TRDN: variants seen among roughly 807,000 people sequenced by gnomAD.
TRDN encodes the protein triadin.
TRDN carries 161 observed loss-of-function variants against 149.7 expected under a neutral mutation model. The observed-to-expected ratio is 1.08, with a 90% CI of 0.95 to 1.23. The LOEUF (loss-of-function observed/expected upper bound fraction) is 1.23, where lower values mean the gene tolerates loss of function less well. TRDN is among the 50% of genes most tolerant of loss of function. TRDN has a pLI of 0.00. For synonymous variants in TRDN, 294 were observed against 250.5 expected, an observed-to-expected ratio of 1.17 and a Z score of -1.64; for missense variants, 896 against 823.5, an observed-to-expected ratio of 1.09 and a Z score of -1.08.
chr6:123,509,664 T>C (rs956272348), intron 7 of TRDN: 12 of 152,160 alleles, frequency 7.9e-5, no homozygotes, highest in African/African-American at 2.7e-4. Flanking sequence ...CCTTGTAAGA[T>C]TGTGAAACAG....
At chr6:123,269,914 A>G (rs769654420) in intron 30 of TRDN, 48 bp from the exon 31 acceptor site, 3 of 1,565,296 alleles carry the variant, frequency 1.9e-6, no homozygotes, top group Middle Eastern at 1.7e-4. Flanking sequence ...AGTACAAACC[A>G]TGGAAAAAAT....
At chr6:123,612,436 TAAG>T (rs1784866726) in intron 1 of TRDN, among the ~76,000 whole-genome samples, 1 of 150,492 alleles carries the variant, frequency 6.6e-6, no homozygotes, top group South Asian at 2.1e-4. Context: ...AAAAAGGAAA[TAAG>T]AACAGCAATC....
chr6:123,255,022 G>T, intron 37 of TRDN, 59 bp downstream of exon 37: 2 of 943,854 alleles, frequency 2.1e-6, no homozygotes, highest in Non-Finnish European at 3.2e-6. Context: ...TTAATATTAA[G>T]CAACAACATA....
In TRDN at chr6:123,535,475, T is replaced by A. The variant is rs538150114; in HGVS notation, c.425-4910A>T. Among the ~76,000 whole-genome samples, 5 of 152,250 alleles carry A rather than the reference T, an allele frequency of 3.3e-5. No homozygotes were observed. The East Asian group carries it at 9.7e-4, about 29-fold the overall frequency. On this transcript the variant is annotated intron_variant, in intron 4 of 40. Coordinates refer to ENST00000334268, the MANE Select transcript of TRDN (RefSeq NM_006073.4). ...GGAAAAAGTAGTATCTCCTCTTAGA[T>A]CCTTATCGCTATTCATCTCTCACTC...
At chr6:123,280,124 A>C (rs1366376013) in intron 24 of TRDN, among the ~76,000 whole-genome samples, 1 of 152,106 alleles carries the variant, frequency 6.6e-6, no homozygotes, top group Non-Finnish European at 1.5e-5. Context: ...CACGGAGCTT[A>C]TAAGATGGAG....
At chr6:123,579,856 G>A (rs918756914) in intron 1 of TRDN, among the ~76,000 whole-genome samples, 1 of 152,150 alleles carries the variant, frequency 6.6e-6, no homozygotes, top group African/African-American at 2.4e-5. Flanking sequence ...TTTATAAGGG[G>A]CTCTGCCCCC....
intron 38 of TRDN, among the ~76,000 whole-genome samples, chr6:123,232,749 G>C (rs1189895358): frequency 1.3e-5 from 2 of 152,024 alleles, no homozygotes; most frequent in Non-Finnish European, 2.9e-5. Context: ...GTAATTTGGG[G>C]AGAAGGCAAA....
chr6:123,440,187 A>G (rs1214675792), intron 10 of TRDN, among the ~76,000 whole-genome samples: 7 of 152,312 alleles, frequency 4.6e-5, no homozygotes, highest in African/African-American at 1.4e-4. Flanking sequence ...TTAGACATAT[A>G]ATTTATAAAG....
intron 12 of TRDN, among the ~76,000 whole-genome samples, chr6:123,415,542 TC>T (rs1773614427): frequency 6.6e-6 from 1 of 152,190 alleles, no homozygotes; most frequent in Non-Finnish European, 1.5e-5. Context: ...AAAACATAGT[TC>T]TTTCTATCCC....
intron 19 of TRDN, among the ~76,000 whole-genome samples, chr6:123,374,517 T>C (rs550825455): frequency 1.4e-4 from 21 of 152,320 alleles, no homozygotes; most frequent in African/African-American, 4.8e-4. Context: ...TTTAGATTCA[T>C]GTTAAACCTC....
chr6:123,407,861 A>C (rs1773261330), intron 12 of TRDN, among the ~76,000 whole-genome samples: 1 of 152,202 alleles, frequency 6.6e-6, no homozygotes, highest in Non-Finnish European at 1.5e-5. Context: ...ATAGCAAAAC[A>C]TGAAACACTT....
intron 21 of TRDN, among the ~76,000 whole-genome samples, chr6:123,348,714 TAGC>T (rs1299556675): frequency 6.6e-6 from 1 of 152,106 alleles, no homozygotes; most frequent in Non-Finnish European, 1.5e-5. Flanking sequence ...TTCAGCATAA[TAGC>T]AGGAGTGAAG....
chr6:123,557,157 T>G (rs1056250797), intron 2 of TRDN, among the ~76,000 whole-genome samples: 11 of 148,370 alleles, frequency 7.4e-5, no homozygotes, highest in Admixed American at 6.9e-4. Context: ...CTTCACTGAC[T>G]CTCTTTTCAG....
intron 1 of TRDN, 55 bp from the exon 2 acceptor site, chr6:123,571,187 A>G: frequency 6.4e-7 from 1 of 1,573,304 alleles, no homozygotes; most frequent in Non-Finnish European, 8.7e-7. Flanking sequence ...GTAAATATTG[A>G]TGATGAGAAA....
chr6:123,374,634 G>A (rs1781437856), intron 19 of TRDN, among the ~76,000 whole-genome samples: 1 of 152,024 alleles, frequency 6.6e-6, no homozygotes. Flanking sequence ...TTTATCTGAT[G>A]TATCTACTGA....
At chr6:123,473,586 A>G (rs1052927655) in intron 9 of TRDN, among the ~76,000 whole-genome samples, 4 of 151,892 alleles carry the variant, frequency 2.6e-5, no homozygotes, top group Non-Finnish European at 5.9e-5. Flanking sequence ...TTCAGGAAAT[A>G]CAGAGAAGGC....
chr6:123,467,103 C>T lies in TRDN; in HGVS notation c.854-2120G>A, dbSNP rs56905079. Among the ~76,000 whole-genome samples the T allele has an allele frequency of 4.8e-4, 73 of 151,972 alleles. 2 individuals are homozygous for T. The East Asian group carries it at 0.014, about 29-fold the overall frequency. The stretch of plus-strand genomic sequence containing the variant: ...ACCAGCACCAAAGAATTATTAAACC[C>T]CAACCCTGCCTTCAAGAAGTTCCCA... On this transcript the variant is annotated intron_variant, in intron 9 of 40. Transcript: ENST00000334268.
chr6:123,438,647 T>C (rs1248927504), intron 11 of TRDN, among the ~76,000 whole-genome samples: 2 of 152,242 alleles, frequency 1.3e-5, no homozygotes, highest in South Asian at 4.1e-4. Flanking sequence ...AACCATCATA[T>C]TCACATATAT....
intron 9 of TRDN, among the ~76,000 whole-genome samples, chr6:123,490,118 G>T (rs898239972): frequency 6.6e-6 from 1 of 152,116 alleles, no homozygotes; most frequent in African/African-American, 2.4e-5. Context: ...CAGACTATGA[G>T]TCTTCATAAG....
Sources: allele counts gnomAD v4.1 joint callset (sites outside exome capture counted in the v4.1 genomes callset), GRCh38; gene constraint gnomAD v4.1.1; transcripts MANE v1.5; gene names NCBI Gene and HGNC (gene_info 2026-07-23, HGNC 2026-07-21).